Variants in CORO2B observed in about 807,000 individuals in gnomAD.
CORO2B encodes the protein coronin 2B, also known as coronin-2B.
Under a neutral mutation model 58.8 loss-of-function variants are expected in CORO2B, and 26 were observed. The ratio of observed to expected loss-of-function variants is 0.44; its 90% CI spans 0.32 to 0.61. CORO2B has a LOEUF of 0.61. CORO2B is among the 20% of genes least tolerant of loss of function. The probability of loss-of-function intolerance (pLI) is 0.04; values close to 1 mark genes in which losing one functional copy is unlikely to be tolerated. For missense variants in CORO2B, 460 were observed against 645.1 expected, an observed-to-expected ratio of 0.71 and a Z score of 3.11; for synonymous variants, 242 against 253.8, an observed-to-expected ratio of 0.95 and a Z score of 0.44.
chr15:68,674,295 T>TG (rs200309498), intron 2 of CORO2B, among the ~76,000 whole-genome samples: 2,813 of 152,294 alleles, frequency 0.018, 45 homozygotes, highest in Non-Finnish European at 0.025. Context: ...AGCTCCCTGC[T>TG]GGGGGCTTCG....
At chr15:68,539,454 C>T in the CORO2B span, among the ~76,000 whole-genome samples, 2 of 152,124 alleles carry the variant, frequency 1.3e-5, no homozygotes, top group African/African-American at 4.8e-5. Context: ...AGGCAGATCA[C>T]TTTAGCTCAG....
chr15:68,713,050 C>T lies in CORO2B; in HGVS notation c.649-875C>T, dbSNP rs569598073. 1.5e-4 allele frequency among the ~76,000 whole-genome samples: 23 copies of T among 152,208 alleles called. No individual in the cohort carries two copies. In the East Asian group the frequency reaches 3.9e-3, roughly 26 times the overall value. ...CATTGGCCTCTTTTCTGACTTGCTG[C>T]CAACTTACCTGATGCCGAGGACTGT... On this transcript the variant is annotated intron_variant, in intron 5 of 11. Transcript: ENST00000261861.
chr15:68,540,796 G>C, the CORO2B span, among the ~76,000 whole-genome samples: 2,060 of 152,096 alleles, frequency 0.014, 20 homozygotes, highest in Non-Finnish European at 0.022. Flanking sequence ...CACACACACA[G>C]AGAGTCAGTG....
rs1893091462 is a variant in CORO2B, at chr15:68,718,770, A to T, written c.1040A>T (p.Lys347Met). The T allele has an allele frequency of 1.2e-6, 2 of 1,614,176 alleles. No individual in the cohort carries two copies. Among genetic ancestry groups the T allele is most frequent in the Non-Finnish European group, 1.7e-6 (2 of 1,180,014 alleles). Reference protein sequence around the residue: ...VFRFYKLVTLKGLIEPISMIV... With the variant: ...VFRFYKLVTLMGLIEPISMIV... ...CGCTTCTACAAGCTGGTGACTCTCA[A>T]GGGCCTGATCGAGCCCATCTCCATG... is the stretch of plus-strand genomic sequence containing the variant. Residue 347 changes from lysine to methionine, a missense_variant, in exon 9 of 12, where the codon AAG becomes ATG. Physicochemically the swap from Lys to Met is moderately conservative, Grantham distance 95 (BLOSUM62 -1). Around this residue, in one of 2 missense-constraint regions of CORO2B, gnomAD observed 352 missense variants for 543.0 expected, o/e 0.65. Transcript: ENST00000261861.
At chr15:68,631,623 C>T (rs1595978865) in intron 1 of CORO2B, among the ~76,000 whole-genome samples, 1 of 152,300 alleles carries the variant, frequency 6.6e-6, no homozygotes, top group Non-Finnish European at 1.5e-5. Context: ...GCCCAGCTTA[C>T]AGCCTCCGGG....
chr15:68,664,390 G>A (rs1902118956), intron 2 of CORO2B, among the ~76,000 whole-genome samples: 1 of 152,162 alleles, frequency 6.6e-6, no homozygotes. Flanking sequence ...GCTCACGCTT[G>A]TAATCCCAGC....
At chr15:68,526,263 A>G in the CORO2B span, among the ~76,000 whole-genome samples, 1 of 152,166 alleles carries the variant, frequency 6.6e-6, no homozygotes, top group Non-Finnish European at 1.5e-5. Flanking sequence ...ACACGTTTTC[A>G]TTTCTCTTGA....
chr15:68,636,561 A>G (rs745603407), intron 1 of CORO2B, among the ~76,000 whole-genome samples: 5 of 152,188 alleles, frequency 3.3e-5, no homozygotes, highest in South Asian at 2.1e-4. Context: ...GCGAGGAGGA[A>G]TTCCAATTTC....
upstream of CORO2B, among the ~76,000 whole-genome samples, chr15:68,575,067 A>ACAT (rs1427546732): frequency 1.3e-5 from 2 of 152,188 alleles, no homozygotes; most frequent in African/African-American, 4.8e-5. Context: ...ACTTGAGCTG[A>ACAT]CAGCATCCCA....
chr15:68,682,955 TC>T (rs1902837772), intron 2 of CORO2B, among the ~76,000 whole-genome samples: 2 of 152,192 alleles, frequency 1.3e-5, no homozygotes, highest in South Asian at 4.1e-4. Flanking sequence ...AGTCCTCTTT[TC>T]CCTCCTCGTT....
At chr15:68,578,901 T>G, upstream of CORO2B, 2 of 469,954 alleles carry the variant, frequency 4.3e-6, no homozygotes, top group South Asian at 9.1e-5. The surrounding 1 kb of genome is among the most constrained non-coding windows in gnomAD (Gnocchi z 4.2). Context: ...CGCTTCCTCC[T>G]CCTCCTCCCT....
At chr15:68,542,193 T>A in the CORO2B span, among the ~76,000 whole-genome samples, 2 of 152,226 alleles carry the variant, frequency 1.3e-5, no homozygotes, top group South Asian at 2.1e-4. Flanking sequence ...AGGATCCAAA[T>A]TTGATCCTAT....
chr15:68,522,314 G>C, the CORO2B span, among the ~76,000 whole-genome samples: 30 of 151,746 alleles, frequency 2.0e-4, no homozygotes, highest in African/African-American at 7.3e-4. Context: ...TCTCTTTCTC[G>C]TCTGAGACTC....
At chr15:68,653,973 G>A (rs747367508) in intron 2 of CORO2B, among the ~76,000 whole-genome samples, 10 of 151,976 alleles carry the variant, frequency 6.6e-5, no homozygotes, top group African/African-American at 9.7e-5. Context: ...TTCCTCAATC[G>A]TTCTTTGTTC....
At chr15:68,704,548 C>A (rs1222737544) in intron 3 of CORO2B, among the ~76,000 whole-genome samples, 1 of 152,122 alleles carries the variant, frequency 6.6e-6, no homozygotes, top group African/African-American at 2.4e-5. Context: ...TGCTTGTTGG[C>A]CAGCTGCTCC....
intron 3 of CORO2B, among the ~76,000 whole-genome samples, chr15:68,701,078 G>A (rs1354787487): frequency 1.3e-5 from 2 of 152,090 alleles, no homozygotes; most frequent in Non-Finnish European, 2.9e-5. Flanking sequence ...CCCGAGCTCC[G>A]GAACCAATAC....
intron 1 of CORO2B, among the ~76,000 whole-genome samples, chr15:68,606,075 G>A (rs746110594): frequency 7.2e-5 from 11 of 152,068 alleles, no homozygotes; most frequent in African/African-American, 2.7e-4. Flanking sequence ...CTCGTTTACT[G>A]AAAGTCATGG....
chr15:68,713,906 C>T lies in CORO2B; in HGVS notation c.649-19C>T. 1 of 1,589,306 alleles carries T rather than the reference C, an allele frequency of 6.3e-7. No homozygotes were observed. The highest frequency in any genetic ancestry group is 8.6e-7 in the Non-Finnish European group (1 of 1,158,460). On this transcript the variant is annotated intron_variant, in intron 5 of 11. Transcript: ENST00000261861. ...CATGTTGGGGACCCTGGCTCACCAC[C>T]TCCCTCTGTTCCTACTAGGAGGCCA...
chr15:68,718,654 G>A (rs367809136), intron 8 of CORO2B, 44 bp from the exon 9 acceptor site: 26 of 1,501,622 alleles, frequency 1.7e-5, no homozygotes, highest in African/African-American at 6.9e-5. Flanking sequence ...TCACTGAGAC[G>A]CAGTTTCTGG....
Sources: allele counts gnomAD v4.1 joint callset (sites outside exome capture counted in the v4.1 genomes callset), GRCh38; gene constraint gnomAD v4.1.1; regional missense constraint gnomAD v4.1.1; non-coding constraint Gnocchi (gnomAD v3.1); transcripts MANE v1.5; gene names NCBI Gene and HGNC (gene_info 2026-07-23, HGNC 2026-07-21).